The following KCNMB2 variants were observed in gnomAD, a reference collection of about 807,000 sequenced individuals.
The protein encoded by KCNMB2 is calcium-activated potassium channel subunit beta-2.
Under a neutral mutation model 24.5 loss-of-function variants are expected in KCNMB2, and 9 were observed. The observed-to-expected ratio is 0.37, with a 90% CI of 0.22 to 0.64. The LOEUF (loss-of-function observed/expected upper bound fraction) is 0.64, where lower values mean the gene tolerates loss of function less well. KCNMB2 is among the 30% of genes least tolerant of loss of function. The probability of loss-of-function intolerance (pLI) is 0.63; values close to 1 mark genes in which losing one functional copy is unlikely to be tolerated. For synonymous variants in KCNMB2, 109 were observed against 104.4 expected (o/e 1.04, Z -0.27); for missense variants, 226 against 284.3 (o/e 0.79, Z 1.47).
chr3:178,741,112 T>C (rs1293579768), intron 1 of KCNMB2, among the ~76,000 whole-genome samples: 1 of 152,206 alleles, frequency 6.6e-6, no homozygotes, highest in African/African-American at 2.4e-5. Flanking sequence ...ATGAACATGT[T>C]TGTCCATTTG....
At chr3:178,543,339 C>T (rs1434048212) in intron 1 of KCNMB2, among the ~76,000 whole-genome samples, 1 of 152,218 alleles carries the variant, frequency 6.6e-6, no homozygotes, top group Non-Finnish European at 1.5e-5. Flanking sequence ...AACTTCAACC[C>T]AGTACCTTGT....
At chr3:178,826,553 T>C (rs1453488135) in intron 3 of KCNMB2, among the ~76,000 whole-genome samples, 1 of 152,208 alleles carries the variant, frequency 6.6e-6, no homozygotes, top group Non-Finnish European at 1.5e-5. Context: ...CCAGCATCTC[T>C]AGCTAACTGT....
intron 1 of KCNMB2, among the ~76,000 whole-genome samples, chr3:178,633,188 G>A (rs947517501): frequency 6.6e-6 from 1 of 152,192 alleles, no homozygotes; most frequent in African/African-American, 2.4e-5. Context: ...AGTGTAAGCT[G>A]TTGGTGGCTC....
chr3:178,564,404 G>A (rs1716439774), intron 1 of KCNMB2, among the ~76,000 whole-genome samples: 1 of 152,116 alleles, frequency 6.6e-6, no homozygotes, highest in South Asian at 2.1e-4. Context: ...TGCTTATGTA[G>A]GTCTGAATAT....
intron 1 of KCNMB2, among the ~76,000 whole-genome samples, chr3:178,570,365 T>C (rs1309597636): frequency 6.6e-6 from 1 of 152,074 alleles, no homozygotes; most frequent in Non-Finnish European, 1.5e-5. Flanking sequence ...TAATTTAGTC[T>C]GAGAAATTAG....
At chr3:178,741,531 C>T (rs1354623325) in intron 1 of KCNMB2, among the ~76,000 whole-genome samples, 1 of 152,134 alleles carries the variant, frequency 6.6e-6, no homozygotes, top group African/African-American at 2.4e-5. Context: ...TCTGTCTTAC[C>T]ACCAACAGGT....
chr3:178,840,733 C>G (rs565679707), intron 4 of KCNMB2, among the ~76,000 whole-genome samples: 2 of 152,360 alleles, frequency 1.3e-5, no homozygotes, highest in East Asian at 3.9e-4. Flanking sequence ...AACAGGGCAC[C>G]AAGTCTCAAG....
intron 1 of KCNMB2, among the ~76,000 whole-genome samples, chr3:178,694,208 T>A (rs894634993): frequency 6.6e-6 from 1 of 152,148 alleles, no homozygotes; most frequent in Non-Finnish European, 1.5e-5. Flanking sequence ...TAAAACCTCA[T>A]GAGAACTAAC....
intron 1 of KCNMB2, among the ~76,000 whole-genome samples, chr3:178,771,761 C>T (rs547406339): frequency 5.3e-4 from 81 of 152,232 alleles, no homozygotes; most frequent in African/African-American, 1.9e-3. Flanking sequence ...TTGCCATTCG[C>T]CTGCCTTGAA....
chr3:178,695,233 C>T (rs1297923872), intron 1 of KCNMB2, among the ~76,000 whole-genome samples: 1 of 152,236 alleles, frequency 6.6e-6, no homozygotes, highest in Non-Finnish European at 1.5e-5. Flanking sequence ...GAACCAAGTC[C>T]CCATGGCACA....
At chr3:178,794,879 A>C (rs957447719) in intron 1 of KCNMB2, among the ~76,000 whole-genome samples, 1 of 152,184 alleles carries the variant, frequency 6.6e-6, no homozygotes, top group African/African-American at 2.4e-5. Context: ...AAATGAGGCC[A>C]CATCTGCTTG....
At chr3:178,761,245 G>A (rs1711861943) in intron 1 of KCNMB2, among the ~76,000 whole-genome samples, 1 of 152,196 alleles carries the variant, frequency 6.6e-6, no homozygotes, top group Non-Finnish European at 1.5e-5. Flanking sequence ...TCGTCTCTAT[G>A]ATGTCAATGT....
chr3:178,549,373 C>T (rs71308190), intron 1 of KCNMB2, among the ~76,000 whole-genome samples: 6,916 of 146,398 alleles, frequency 0.047, 216 homozygotes, highest in Non-Finnish European at 0.071. Context: ...TGCAATGGCA[C>T]AATCTTGGCT....
chr3:178,675,560 C>A (rs1461903697), intron 1 of KCNMB2, among the ~76,000 whole-genome samples: 1 of 152,098 alleles, frequency 6.6e-6, no homozygotes, highest in Admixed American at 6.5e-5. Context: ...TAGCATCTGA[C>A]CACTTTTTCC....
intron 1 of KCNMB2, among the ~76,000 whole-genome samples, chr3:178,691,710 A>G (rs575477790): frequency 2.0e-5 from 3 of 152,310 alleles, no homozygotes; most frequent in East Asian, 3.9e-4. Flanking sequence ...TAGTGCTGCA[A>G]TGAACATACG....
At chr3:178,629,087 T>C (rs1424655048) in intron 1 of KCNMB2, among the ~76,000 whole-genome samples, 1 of 152,206 alleles carries the variant, frequency 6.6e-6, no homozygotes, top group Admixed American at 6.5e-5. Context: ...AAATGGCTCC[T>C]AATTATCTAC....
At chr3:178,660,067 T>C (rs1720471903) in intron 1 of KCNMB2, among the ~76,000 whole-genome samples, 1 of 152,152 alleles carries the variant, frequency 6.6e-6, no homozygotes, top group Non-Finnish European at 1.5e-5. Context: ...TCCTGCAGCA[T>C]GAGAGCCTCA....
chr3:178,582,815 AAAT>A (rs1577027073), intron 1 of KCNMB2, among the ~76,000 whole-genome samples: 2 of 152,172 alleles, frequency 1.3e-5, no homozygotes, highest in East Asian at 3.9e-4. Flanking sequence ...TTATATGAAA[AAAT>A]AATAATGTCA....
chr3:178,567,683 C>T (rs921109434), intron 1 of KCNMB2, among the ~76,000 whole-genome samples: 5 of 152,020 alleles, frequency 3.3e-5, no homozygotes, highest in African/African-American at 4.8e-5. Context: ...AGGACATTTG[C>T]GCCAGGACAA....
Sources: allele counts gnomAD v4.1 joint callset (sites outside exome capture counted in the v4.1 genomes callset), GRCh38; gene constraint gnomAD v4.1.1; transcripts MANE v1.5; gene names NCBI Gene and HGNC (gene_info 2026-07-23, HGNC 2026-07-21).